The following PMPCB variants were observed in gnomAD, a reference collection of about 807,000 sequenced individuals.
PMPCB encodes the protein peptidase, mitochondrial processing subunit beta.
Under a neutral mutation model 61.5 loss-of-function variants are expected in PMPCB, and 46 were observed. That is an observed-to-expected ratio of 0.75 (90% CI 0.59 to 0.96). PMPCB has a LOEUF of 0.96. PMPCB is among the 40% of genes least tolerant of loss of function. The pLI is 0.00. For missense variants in PMPCB, 590 were observed against 602.4 expected, an observed-to-expected ratio of 0.98 and a Z score of 0.22; for synonymous variants, 191 against 201.6, an observed-to-expected ratio of 0.95 and a Z score of 0.44.
chr7:103,314,278 A>G lies in PMPCB; in HGVS notation c.*2007A>G. The G allele has an allele frequency of 1.0e-6, 1 of 985,434 alleles. No individual in the cohort carries two copies. The highest frequency in any genetic ancestry group is 4.7e-5 in the South Asian group (1 of 21,290). 61.0% of individuals were successfully genotyped at this position (985,434 alleles called of 1,614,324 possible). A position where few individuals can be genotyped will look rare whatever the true frequency, so the allele number is the denominator to read the frequency against. On this transcript the variant is annotated 3_prime_UTR_variant, in exon 13 of 13. Transcript: ENST00000249269. ...GTTCTCCAGTTACTTCACAATACCA[A>G]AATAAATTAAACGTACTGTTGCAAA...
chr7:103,297,442 A>T lies in PMPCB; in HGVS notation c.-18A>T. ...CCCGGAAGCACATCCTTCATCCTCTACCTTCCTTCTAGCAGAAATGGCGGC... is the reference window on the plus strand; with the variant it reads ...CCCGGAAGCACATCCTTCATCCTCTTCCTTCCTTCTAGCAGAAATGGCGGC... On this transcript the variant is annotated 5_prime_UTR_variant, in exon 1 of 13. Transcript: ENST00000249269. 6.5e-7 allele frequency: 1 copy of T among 1,540,182 alleles called. No individual in the cohort carries two copies.
intron 12 of PMPCB, chr7:103,322,521 G>A: frequency 6.7e-7 from 1 of 1,494,652 alleles, no homozygotes; most frequent in Non-Finnish European, 9.1e-7. Context: ...TTTTTCTTTA[G>A]CTTCTTGCTC....
chr7:103,337,696 TACA>T, the PMPCB span: 5 of 1,488,564 alleles, frequency 3.4e-6, no homozygotes, highest in East Asian at 1.1e-4. Flanking sequence ...CCTGTTCCTA[TACA>T]AGATATTTGA....
chr7:103,317,252 G>C, downstream of PMPCB: 1 of 453,466 alleles, frequency 2.2e-6, no homozygotes, highest in Non-Finnish European at 3.9e-6. Flanking sequence ...CAGTACTCAT[G>C]TCATGTGACT....
At chr7:103,303,264 A>T (rs746229905) in intron 4 of PMPCB, among the ~76,000 whole-genome samples, 6 of 152,214 alleles carry the variant, frequency 3.9e-5, no homozygotes, top group Admixed American at 3.9e-4. Context: ...CTACGGGCAC[A>T]TGCCACCACA....
intron 12 of PMPCB, among the ~76,000 whole-genome samples, chr7:103,324,198 A>T (rs1013161330): frequency 7.9e-5 from 12 of 152,214 alleles, no homozygotes; most frequent in African/African-American, 2.9e-4. Flanking sequence ...CTTCCTCATG[A>T]ACTCAAGTAC....
intron 8 of PMPCB, 67 bp from the exon 9 acceptor site, chr7:103,310,248 C>G: frequency 8.3e-7 from 1 of 1,200,186 alleles, no homozygotes; most frequent in East Asian, 2.4e-5. Flanking sequence ...TCCACACACT[C>G]CATTTTTCTT....
At chr7:103,299,649 C>T (rs950172896) in intron 3 of PMPCB, 120 bp downstream of exon 3, 7 of 579,128 alleles carry the variant, frequency 1.2e-5, no homozygotes, top group African/African-American at 1.9e-5. Flanking sequence ...TTTATTTTTC[C>T]AGGACAGTAT....
chr7:103,316,752 G>A, downstream of PMPCB: 1 of 1,184,170 alleles, frequency 8.4e-7, no homozygotes, highest in Non-Finnish European at 1.2e-6. Flanking sequence ...GTGATAACAA[G>A]TGCTGCTATT....
intron 4 of PMPCB, among the ~76,000 whole-genome samples, chr7:103,300,748 G>T (rs1474030779): frequency 6.6e-6 from 1 of 151,022 alleles, no homozygotes; most frequent in Non-Finnish European, 1.5e-5. Flanking sequence ...GCAGTGGTGT[G>T]ATCTCGGCTC....
At chr7:103,331,382 T>C (rs894681161), downstream of PMPCB, among the ~76,000 whole-genome samples, 1 of 152,272 alleles carries the variant, frequency 6.6e-6, no homozygotes, top group African/African-American at 2.4e-5. Flanking sequence ...TTCTGTCTTC[T>C]AGCTATTTTG....
At chr7:103,299,187 A>G (rs774536833) in intron 2 of PMPCB, among the ~76,000 whole-genome samples, 6 of 152,198 alleles carry the variant, frequency 3.9e-5, no homozygotes, top group Non-Finnish European at 8.8e-5. Context: ...TACTACAGTT[A>G]TTAATTGGCT....
At chr7:103,323,811 C>A in intron 12 of PMPCB, 1 of 617,902 alleles carries the variant, frequency 1.6e-6, no homozygotes, top group Non-Finnish European at 2.4e-6. Context: ...TTTTTAAGGA[C>A]ATTGCATTTG....
chr7:103,337,050 G>GT, the PMPCB span: 1 of 152,150 alleles, frequency 6.6e-6, no homozygotes, highest in South Asian at 2.1e-4. Context: ...ATTCTCTAGA[G>GT]TGGAGGGCAG....
downstream of PMPCB, chr7:103,316,519 A>G: frequency 3.7e-6 from 1 of 268,856 alleles, no homozygotes; most frequent in African/African-American, 2.2e-5. Context: ...AAGACTGTAA[A>G]AGAAAAACTA....
At position 103,314,372 on chromosome 7, in the gene PMPCB, AG is replaced by A; in HGVS notation, c.*2103del. The A allele has an allele frequency of 1.0e-6, 1 of 985,446 alleles. No homozygotes were observed. Among genetic ancestry groups the A allele is most frequent in the Non-Finnish European group, 1.2e-6 (1 of 829,926 alleles). The allele number at this position is 985,446 out of a possible 1,614,324, so 61.0% of individuals were successfully genotyped here. On this transcript the variant is annotated 3_prime_UTR_variant, in exon 13 of 13. Transcript: ENST00000249269. ...TGTTTAATGGTACAACTGAAGAGGAAGGAGCCTTCCCATTTCCATAAAAGAG... is the reference window on the plus strand; with the variant it reads ...TGTTTAATGGTACAACTGAAGAGGAAGAGCCTTCCCATTTCCATAAAAGAG...
downstream of PMPCB, chr7:103,316,186 A>G: frequency 3.1e-6 from 2 of 643,054 alleles, no homozygotes; most frequent in Non-Finnish European, 4.9e-6. Flanking sequence ...AGGTTATAGT[A>G]TGTACAGAAT....
intron 12 of PMPCB, among the ~76,000 whole-genome samples, chr7:103,321,726 G>A (rs1818427875): frequency 6.6e-6 from 1 of 152,068 alleles, no homozygotes; most frequent in Non-Finnish European, 1.5e-5. Flanking sequence ...GCACACGCCT[G>A]TAATCCCAGC....
chr7:103,333,947 G>A (rs1819066771), downstream of PMPCB, among the ~76,000 whole-genome samples: 1 of 150,996 alleles, frequency 6.6e-6, no homozygotes. Flanking sequence ...AGGCTGTTGT[G>A]AACATTTTTT....
Sources: allele counts gnomAD v4.1 joint callset (sites outside exome capture counted in the v4.1 genomes callset), GRCh38; gene constraint gnomAD v4.1.1; transcripts MANE v1.5; gene names NCBI Gene and HGNC (gene_info 2026-07-23, HGNC 2026-07-21).